The following KIF16B variants were observed in gnomAD, a reference collection of about 807,000 sequenced individuals.
KIF16B encodes the protein kinesin family member 16B, also known as kinesin-like protein KIF16B.
A neutral mutation model predicts 156.3 loss-of-function variants in KIF16B; 98 were observed. The observed-to-expected ratio is 0.63, with a 90% CI of 0.53 to 0.74. KIF16B has a LOEUF of 0.74. Among genes scored for constraint, KIF16B ranks in the 30% least tolerant of loss-of-function variants. KIF16B has a pLI of 0.00. For missense variants in KIF16B, 1,421 were observed against 1,606.5 expected (o/e 0.88, Z 1.97); for synonymous variants, 564 against 583.7 (o/e 0.97, Z 0.49).
At chr20:16,566,105 T>A (rs1468096497) in intron 1 of KIF16B, among the ~76,000 whole-genome samples, 2 of 152,276 alleles carry the variant, frequency 1.3e-5, no homozygotes, top group Admixed American at 1.3e-4. Context: ...ATACGTTTCA[T>A]AAGCATACAT....
intron 3 of KIF16B, among the ~76,000 whole-genome samples, chr20:16,521,732 G>C (rs6044062): frequency 0.034 from 5,112 of 152,086 alleles, 122 homozygotes; most frequent in Middle Eastern, 0.051. Flanking sequence ...GATTCACCAA[G>C]GTGGAAATGA....
At chr20:16,480,613 T>C (rs2067953597) in intron 12 of KIF16B, among the ~76,000 whole-genome samples, 1 of 152,298 alleles carries the variant, frequency 6.6e-6, no homozygotes, top group Middle Eastern at 3.4e-3. Flanking sequence ...TCAAATGAGA[T>C]AAGCAGTGAA....
chr20:16,514,388 C>A (rs573773768), intron 4 of KIF16B, among the ~76,000 whole-genome samples: 2 of 152,088 alleles, frequency 1.3e-5, no homozygotes, highest in East Asian at 3.9e-4. Flanking sequence ...AGTGAGGTTA[C>A]ATGTCCTGAA....
intron 22 of KIF16B, among the ~76,000 whole-genome samples, chr20:16,357,114 G>A (rs1016851980): frequency 1.5e-4 from 23 of 152,212 alleles, no homozygotes; most frequent in Non-Finnish European, 7.3e-5. Context: ...GTTGTCTTAA[G>A]TGTGAATCGG....
rs534084389 is a variant in KIF16B, at chr20:16,429,030, T to A, written c.1423-26A>T. 26 of 1,590,022 alleles carry A rather than the reference T, an allele frequency of 1.6e-5. 1 individual carries two copies. The African/African-American group carries it at 3.1e-4, about 19-fold the overall frequency. The stretch of plus-strand genomic sequence containing the variant: ...CTGGGAAGAAAACCCAAGCAAAATG[T>A]ATTAGTAAGAAGAGAAGGAATAGCT... On this transcript the variant is annotated intron_variant, in intron 13 of 25. Coordinates refer to ENST00000354981, the MANE Select transcript of KIF16B (RefSeq NM_024704.5).
At chr20:16,468,575 C>CA (rs550510241) in intron 12 of KIF16B, among the ~76,000 whole-genome samples, 4,464 of 33,558 alleles carry the variant, frequency 0.13, 397 homozygotes, top group African/African-American at 0.22. Context: ...GACTCCGTCT[C>CA]AAAAAAAAAA....
At chr20:16,513,691 C>T (rs1012335667) in intron 4 of KIF16B, among the ~76,000 whole-genome samples, 6 of 148,456 alleles carry the variant, frequency 4.0e-5, no homozygotes, top group African/African-American at 1.5e-4. Context: ...AAACCACATG[C>T]TATGTCCCTC....
At chr20:16,528,667 T>C (rs2069638678) in intron 1 of KIF16B, among the ~76,000 whole-genome samples, 1 of 152,188 alleles carries the variant, frequency 6.6e-6, no homozygotes, top group South Asian at 2.1e-4. Context: ...AGTGTGTTGT[T>C]AAACCCTGAA....
At chr20:16,359,054 T>C (rs987411441) in intron 22 of KIF16B, among the ~76,000 whole-genome samples, 1 of 152,206 alleles carries the variant, frequency 6.6e-6, no homozygotes, top group Admixed American at 6.5e-5. Flanking sequence ...TCTAGATGGA[T>C]TATATTCTAA....
intron 1 of KIF16B, among the ~76,000 whole-genome samples, chr20:16,557,413 C>T (rs2070892446): frequency 6.6e-6 from 1 of 152,124 alleles, no homozygotes; most frequent in Non-Finnish European, 1.5e-5. Flanking sequence ...CTCCTAATCT[C>T]AAGTGATCCA....
intron 10 of KIF16B, among the ~76,000 whole-genome samples, chr20:16,501,914 T>C (rs957090655): frequency 1.3e-5 from 2 of 152,136 alleles, no homozygotes; most frequent in African/African-American, 4.8e-5. Context: ...TACTGTACTG[T>C]CTCTTAAGAA....
intron 23 of KIF16B, among the ~76,000 whole-genome samples, chr20:16,347,627 G>T (rs1285794397): frequency 6.6e-6 from 1 of 152,128 alleles, no homozygotes; most frequent in Non-Finnish European, 1.5e-5. Context: ...GATGGGATGG[G>T]TGATAAATTT....
At chr20:16,396,610 A>G (rs1343794963) in intron 17 of KIF16B, among the ~76,000 whole-genome samples, 2 of 147,920 alleles carry the variant, frequency 1.4e-5, no homozygotes, top group Non-Finnish European at 3.0e-5. Flanking sequence ...AAACAGAGGT[A>G]TGGGCTAGAA....
intron 10 of KIF16B, among the ~76,000 whole-genome samples, chr20:16,501,475 T>C (rs1045003604): frequency 1.4e-4 from 21 of 151,888 alleles, no homozygotes; most frequent in African/African-American, 5.1e-4. Flanking sequence ...TATGTACTCC[T>C]CTGACTCACC....
chr20:16,302,601 C>A (rs140678559), intron 25 of KIF16B, among the ~76,000 whole-genome samples: 1 of 152,156 alleles, frequency 6.6e-6, no homozygotes, highest in African/African-American at 2.4e-5. Flanking sequence ...TTGCAAAGAA[C>A]TGACATCCTA....
chr20:16,434,559 A>C (rs2066593183), intron 12 of KIF16B, among the ~76,000 whole-genome samples: 1 of 152,206 alleles, frequency 6.6e-6, no homozygotes, highest in Admixed American at 6.5e-5. Flanking sequence ...CTTGGAAAAA[A>C]CTGGGAAAAG....
At chr20:16,304,035 T>C (rs1332291618) in intron 25 of KIF16B, among the ~76,000 whole-genome samples, 1 of 152,202 alleles carries the variant, frequency 6.6e-6, no homozygotes, top group Admixed American at 6.5e-5. Context: ...GGTGTTTTGA[T>C]TCCCTGAGTG....
chr20:16,392,434 T>A (rs2065388984), intron 17 of KIF16B, among the ~76,000 whole-genome samples: 1 of 152,184 alleles, frequency 6.6e-6, no homozygotes, highest in African/African-American at 2.4e-5. Flanking sequence ...AGAAACACTG[T>A]GCACATTTGT....
At chr20:16,292,668 A>G (rs536645183) in intron 25 of KIF16B, among the ~76,000 whole-genome samples, 2 of 152,348 alleles carry the variant, frequency 1.3e-5, no homozygotes, top group Admixed American at 6.5e-5. Flanking sequence ...GATACAAACA[A>G]TGAGCAGAGA....
Sources: gnomAD v4.1 joint callset for allele counts (sites outside exome capture counted in the v4.1 genomes callset) on GRCh38, gnomAD v4.1.1 for gene constraint, MANE v1.5 for transcripts, NCBI Gene and HGNC (gene_info 2026-07-23, HGNC 2026-07-21) for gene names.